Variants in RIMBP2 observed in about 807,000 individuals in gnomAD.
RIMBP2 encodes the protein RIMS-binding protein 2.
Under a neutral mutation model 118.6 loss-of-function variants are expected in RIMBP2, and 48 were observed. That is an observed-to-expected ratio of 0.40 (90% CI 0.32 to 0.51). The LOEUF is 0.51. Ranked by LOEUF, RIMBP2 falls within the 20% of genes least tolerant of loss-of-function variation. The probability of loss-of-function intolerance (pLI) is 0.41; values close to 1 mark genes in which losing one functional copy is unlikely to be tolerated. For synonymous variants in RIMBP2, 762 were observed against 742.9 expected, an observed-to-expected ratio of 1.03 and a Z score of -0.42; for missense variants, 1,551 against 1,768.3, an observed-to-expected ratio of 0.88 and a Z score of 2.20.
intron 14 of RIMBP2, chr12:130,432,339 G>A (rs1340805867): frequency 4.4e-6 from 2 of 456,038 alleles, no homozygotes; most frequent in African/African-American, 2.0e-5. Context: ...CATAAAATAA[G>A]AGCTTACGTT....
At chr12:130,605,458 C>T (rs917216151) in intron 2 of RIMBP2, among the ~76,000 whole-genome samples, 1 of 152,062 alleles carries the variant, frequency 6.6e-6, no homozygotes, top group Non-Finnish European at 1.5e-5. Flanking sequence ...AAAAAATGTC[C>T]TGGGGATAAC....
At chr12:130,640,703 G>A (rs2062577965) in intron 1 of RIMBP2, among the ~76,000 whole-genome samples, 1 of 152,200 alleles carries the variant, frequency 6.6e-6, no homozygotes, top group Admixed American at 6.5e-5. Context: ...CAGCTTGAAA[G>A]ACAAGGCGTG....
chr12:130,674,142 G>A (rs1353658365), intron 1 of RIMBP2, among the ~76,000 whole-genome samples: 2 of 152,010 alleles, frequency 1.3e-5, no homozygotes, highest in Admixed American at 1.3e-4. Context: ...AAAAAAATGT[G>A]TGTGGCGCCT....
At chr12:130,418,061 A>C (rs2076205222) in intron 17 of RIMBP2, among the ~76,000 whole-genome samples, 1 of 152,228 alleles carries the variant, frequency 6.6e-6, no homozygotes, top group Non-Finnish European at 1.5e-5. Context: ...TATGCAGAAG[A>C]GACAGGACAG....
chr12:130,453,031 C>T (rs1220079690), intron 7 of RIMBP2, among the ~76,000 whole-genome samples: 1 of 152,170 alleles, frequency 6.6e-6, no homozygotes, highest in East Asian at 1.9e-4. Flanking sequence ...AAACACCGCG[C>T]TCTCTCATGA....
rs531772201 is a variant in RIMBP2, at chr12:130,562,543, C to T, written c.-216-44626G>A. Reference sequence around the variant, plus strand: ...AAGGGAAGGAAGTACAGGAGTACTTCTGGAAGCTCACATAGAAGAAAGAAA... The same window carrying T: ...AAGGGAAGGAAGTACAGGAGTACTTTTGGAAGCTCACATAGAAGAAAGAAA... On this transcript the variant is annotated intron_variant, in intron 2 of 22. Coordinates refer to ENST00000690449, the MANE Select transcript of RIMBP2 (RefSeq NM_001393629.1). 3.9e-5 allele frequency among the ~76,000 whole-genome samples: 6 copies of T among 152,330 alleles called. No individual in the cohort carries two copies. The South Asian group carries it at 1.2e-3, about 32-fold the overall frequency.
intron 4 of RIMBP2, among the ~76,000 whole-genome samples, chr12:130,500,276 G>A (rs1200638546): frequency 1.3e-5 from 2 of 152,124 alleles, no homozygotes; most frequent in African/African-American, 2.4e-5. Flanking sequence ...TGACCAACAC[G>A]GGGAAACCCC....
chr12:130,445,047 G>C (rs2078414396), intron 10 of RIMBP2, 113 bp downstream of exon 10: 6 of 662,760 alleles, frequency 9.1e-6, no homozygotes, highest in Non-Finnish European at 1.3e-5. Context: ...AGGAGGGCTG[G>C]GTGGCCAGGA....
rs180941544 is a variant in RIMBP2, at chr12:130,422,763, G to A, written c.3130-202C>T. Among the ~76,000 whole-genome samples, 40 of 152,344 alleles carry A rather than the reference G, an allele frequency of 2.6e-4. No individual in the cohort carries two copies. The highest frequency in any genetic ancestry group is 8.7e-4 in the African/African-American group (36 of 41,578). ...ACTGTCTACTCGGAGCCGCTGCTGG[G>A]CGCATGGTGGGGTGAGGGCAAAAAT... is the stretch of plus-strand genomic sequence containing the variant. On this transcript the variant is annotated intron_variant, in intron 16 of 22. Coordinates refer to ENST00000690449, the MANE Select transcript of RIMBP2 (RefSeq NM_001393629.1). The surrounding 1 kb of genome is among the most constrained non-coding windows in gnomAD (Gnocchi z 5.2).
intron 2 of RIMBP2, among the ~76,000 whole-genome samples, chr12:130,521,814 C>A (rs572118245): frequency 7.9e-5 from 12 of 152,326 alleles, no homozygotes; most frequent in Non-Finnish European, 1.5e-4. Flanking sequence ...CTTGCTTCTT[C>A]AGAAATGTAA....
intron 15 of RIMBP2, chr12:130,425,222 G>C: frequency 5.3e-6 from 1 of 188,502 alleles, no homozygotes; most frequent in African/African-American, 2.3e-5. Flanking sequence ...GGTGCCAGGG[G>C]AGACTGCCCG....
chr12:130,615,546 A>T (rs954858860), intron 2 of RIMBP2, among the ~76,000 whole-genome samples: 1 of 151,816 alleles, frequency 6.6e-6, no homozygotes, highest in Non-Finnish European at 1.5e-5. Flanking sequence ...CCTGGCCTCA[A>T]GTGATCTGCC....
chr12:130,596,900 G>A (rs575782687), intron 2 of RIMBP2, among the ~76,000 whole-genome samples: 2 of 152,316 alleles, frequency 1.3e-5, no homozygotes, highest in East Asian at 3.9e-4. Flanking sequence ...CATTCAAGAA[G>A]AAATAGATAA....
At chr12:130,640,465 A>G (rs1459660525) in intron 1 of RIMBP2, among the ~76,000 whole-genome samples, 2 of 152,272 alleles carry the variant, frequency 1.3e-5, no homozygotes, top group African/African-American at 4.8e-5. Context: ...AGTTATGTTC[A>G]GAATTTCATT....
At chr12:130,579,078 C>T (rs538671717) in intron 2 of RIMBP2, among the ~76,000 whole-genome samples, 14 of 152,140 alleles carry the variant, frequency 9.2e-5, no homozygotes, top group African/African-American at 2.9e-4. Flanking sequence ...GGTGGGGCAT[C>T]GTAGCCTGTT....
At position 130,428,166 on chromosome 12, in the gene RIMBP2, C is replaced by G. The variant is rs781173922; in HGVS notation, c.2412+13G>C. On this transcript the variant is annotated intron_variant, in intron 15 of 22. Transcript: ENST00000690449. ...GGGACGGAGTGCAGGGTCCCCCTTCCCCAGCCACTCACCTTGAGGGCATTG... is the reference window on the plus strand; with the variant it reads ...GGGACGGAGTGCAGGGTCCCCCTTCGCCAGCCACTCACCTTGAGGGCATTG... The G allele has an allele frequency of 6.3e-7, 1 of 1,582,152 alleles. No homozygotes were observed. Among genetic ancestry groups the G allele is most frequent in the Non-Finnish European group, 8.6e-7 (1 of 1,164,246 alleles).
intron 14 of RIMBP2, chr12:130,432,157 G>A (rs1275038639): frequency 4.4e-6 from 2 of 450,720 alleles, no homozygotes; most frequent in South Asian, 3.2e-5. Flanking sequence ...AGATTGCAGG[G>A]AAGGTGATGA....
At chr12:130,593,307 T>C (rs1006236952) in intron 2 of RIMBP2, among the ~76,000 whole-genome samples, 6 of 152,154 alleles carry the variant, frequency 3.9e-5, no homozygotes, top group Non-Finnish European at 7.4e-5. Flanking sequence ...CACCACTAAA[T>C]GGCTGGGCCC....
At chr12:130,520,538 G>A (rs979641279) in intron 2 of RIMBP2, among the ~76,000 whole-genome samples, 1 of 152,052 alleles carries the variant, frequency 6.6e-6, no homozygotes, top group South Asian at 2.1e-4. Context: ...CAGGCGTGGT[G>A]GTGGGCACCT....
Sources: allele counts gnomAD v4.1 joint callset (sites outside exome capture counted in the v4.1 genomes callset), GRCh38; gene constraint gnomAD v4.1.1; non-coding constraint Gnocchi (gnomAD v3.1); transcripts MANE v1.5; gene names NCBI Gene and HGNC (gene_info 2026-07-23, HGNC 2026-07-21).